The following UGGT2 variants were observed in gnomAD, a reference collection of about 807,000 sequenced individuals.
UGGT2 encodes UDP-glucose:glycoprotein glucosyltransferase 2.
UGGT2 carries 180 observed loss-of-function variants against 192.1 expected under a neutral mutation model. That is an observed-to-expected ratio of 0.94 (90% confidence interval 0.83 to 1.06). The LOEUF is 1.06. Ranked by LOEUF, UGGT2 falls within the 50% of genes least tolerant of loss-of-function variation. The pLI is 0.00. For missense variants in UGGT2, 1,849 were observed against 1,795.7 expected, an observed-to-expected ratio of 1.03 and a Z score of -0.54; for synonymous variants, 580 against 591.0, an observed-to-expected ratio of 0.98 and a Z score of 0.27.
intron 6 of UGGT2, among the ~76,000 whole-genome samples, chr13:95,998,157 T>C (rs1268282744): frequency 2.0e-5 from 3 of 151,648 alleles, no homozygotes; most frequent in Non-Finnish European, 2.9e-5. Flanking sequence ...GAGTGGCAAC[T>C]AGAATTGACA....
chr13:95,824,815 C>T (rs1227166506), intron 38 of UGGT2, among the ~76,000 whole-genome samples: 1 of 152,030 alleles, frequency 6.6e-6, no homozygotes, highest in African/African-American at 2.4e-5. Flanking sequence ...CTGGAGAGAC[C>T]GTGTGATCTT....
chr13:96,022,890 T>C, intron 4 of UGGT2, 150 bp downstream of exon 4: 1 of 434,898 alleles, frequency 2.3e-6, no homozygotes, highest in East Asian at 3.8e-5. Flanking sequence ...AGACAAAACA[T>C]TCTCAGATAT....
chr13:95,992,058 G>A (rs1195649466), intron 7 of UGGT2, among the ~76,000 whole-genome samples: 1 of 152,142 alleles, frequency 6.6e-6, no homozygotes, highest in Non-Finnish European at 1.5e-5. Flanking sequence ...AGCTACTCAG[G>A]AGGCTGAGGC....
intron 1 of UGGT2, among the ~76,000 whole-genome samples, chr13:96,041,935 C>T (rs986958543): frequency 6.6e-6 from 1 of 152,020 alleles, no homozygotes; most frequent in African/African-American, 2.4e-5. Flanking sequence ...TCCTTCCCTA[C>T]TCACCATGGT....
chr13:95,900,662 A>C (rs1208317927), intron 22 of UGGT2, 145 bp downstream of exon 22: 2 of 743,590 alleles, frequency 2.7e-6, no homozygotes, highest in East Asian at 6.0e-5. Context: ...CATTTTATTT[A>C]TGCTGAGTTG....
At position 95,945,015 on chromosome 13, in the gene UGGT2, A is replaced by T. The variant is rs187408130; in HGVS notation, c.1677+2022T>A. Among the ~76,000 whole-genome samples the T allele has an allele frequency of 2.8e-4, 43 of 151,968 alleles. 1 individual carries two copies. In the East Asian group the frequency reaches 8.3e-3, roughly 29 times the overall value. On this transcript the variant is annotated intron_variant, in intron 15 of 38. Coordinates refer to ENST00000376747, the MANE Select transcript of UGGT2 (RefSeq NM_020121.4). ...TTTTTCTTAAAGTTTATTTCCCCTA[A>T]TATTTTATGGCTACCTTAGATTTCA...
intron 12 of UGGT2, among the ~76,000 whole-genome samples, chr13:95,953,776 G>T (rs1026668131): frequency 1.3e-5 from 2 of 151,916 alleles, no homozygotes; most frequent in Non-Finnish European, 1.5e-5. Context: ...GGAGAAAAAA[G>T]AATCAAGATG....
chr13:95,821,479 G>A (rs1341457116), intron 38 of UGGT2, among the ~76,000 whole-genome samples: 2 of 152,058 alleles, frequency 1.3e-5, no homozygotes, highest in Non-Finnish European at 2.9e-5. Flanking sequence ...CTGGATACTA[G>A]TCCTTTGTTA....
intron 4 of UGGT2, among the ~76,000 whole-genome samples, chr13:96,017,379 C>T (rs373368241): frequency 6.6e-6 from 1 of 152,176 alleles, no homozygotes; most frequent in African/African-American, 2.4e-5. Flanking sequence ...TGCTCATGCT[C>T]TCACTATGTG....
At position 95,925,707 on chromosome 13, in the gene UGGT2, T is replaced by G; in HGVS notation, c.2268A>C (p.Lys756Asn). 6.3e-7 allele frequency: 1 copy of G among 1,577,134 alleles called. No homozygotes were observed. Among genetic ancestry groups the G allele is most frequent in the Non-Finnish European group, 8.6e-7 (1 of 1,158,622 alleles). The change falls in exon 20 of 39, where the codon AAA becomes AAC. Residue 756 changes from lysine to asparagine, a missense_variant. Transcript: ENST00000376747. ...IADFDKPSGR[K>N]LLFNALKHMK... is the part of the protein sequence containing the mutation. ...TGTGCTTTAATGCATTAAAAAGAAGTTTTCTCCCAGAAGGCTTATCAAAAT... is the reference window on the plus strand; with the variant it reads ...TGTGCTTTAATGCATTAAAAAGAAGGTTTCTCCCAGAAGGCTTATCAAAAT...
At chr13:95,908,549 T>G (rs2048366702) in intron 20 of UGGT2, among the ~76,000 whole-genome samples, 1 of 152,118 alleles carries the variant, frequency 6.6e-6, no homozygotes, top group Non-Finnish European at 1.5e-5. Context: ...GTTGAACTAG[T>G]TACAGTCCCA....
At chr13:95,857,023 A>G (rs2140058490) in intron 33 of UGGT2, among the ~76,000 whole-genome samples, 1 of 152,234 alleles carries the variant, frequency 6.6e-6, no homozygotes, top group South Asian at 2.1e-4. Flanking sequence ...ATTGGAAAAG[A>G]TGAATTAATA....
intron 10 of UGGT2, among the ~76,000 whole-genome samples, chr13:95,976,975 G>A (rs2140827988): frequency 6.6e-6 from 1 of 152,288 alleles, no homozygotes; most frequent in Middle Eastern, 3.4e-3. Flanking sequence ...AATAAATGGT[G>A]CTAGGAAAAC....
At chr13:95,835,995 T>C (rs868078575) in intron 37 of UGGT2, among the ~76,000 whole-genome samples, 1 of 152,212 alleles carries the variant, frequency 6.6e-6, no homozygotes, top group African/African-American at 2.4e-5. Flanking sequence ...TGAAGACATG[T>C]CAAGATGATA....
intron 30 of UGGT2, among the ~76,000 whole-genome samples, chr13:95,866,713 T>TA (rs1890691643): frequency 6.6e-6 from 1 of 152,130 alleles, no homozygotes; most frequent in African/African-American, 2.4e-5. Flanking sequence ...TCAAATTAAA[T>TA]AAAAATGGCA....
At position 95,983,794 on chromosome 13, in the gene UGGT2, T is replaced by G. The variant is rs765280715; in HGVS notation, c.1092+10A>C. ...TGGGTAAATGTTTTAAAAAAGGAAT[T>G]CAAACAAACCTTTTGATTTTCCTTT... On this transcript the variant is annotated intron_variant, in intron 10 of 38. Coordinates refer to ENST00000376747, the MANE Select transcript of UGGT2 (RefSeq NM_020121.4). 6.5e-7 allele frequency: 1 copy of G among 1,537,080 alleles called. No homozygotes were observed.
chr13:95,948,579 T>A (rs1306826592), intron 13 of UGGT2, among the ~76,000 whole-genome samples: 1 of 152,188 alleles, frequency 6.6e-6, no homozygotes, highest in Non-Finnish European at 1.5e-5. Flanking sequence ...GTTCCAATAT[T>A]AATGTTTAGA....
At position 95,927,329 on chromosome 13, in the gene UGGT2, A is replaced by C; in HGVS notation, c.1985T>G (p.Leu662Ter). 6.2e-7 allele frequency: 1 copy of C among 1,601,644 alleles called. No homozygotes were observed. Among genetic ancestry groups the C allele is most frequent in the Non-Finnish European group, 8.5e-7 (1 of 1,176,794 alleles). ...ATCAATTGCATTCGTGCGATCATTTAATGTGCCCTAAAAAAACAAAAATGT... is the reference window on the plus strand; with the variant it reads ...ATCAATTGCATTCGTGCGATCATTTCATGTGCCCTAAAAAAACAAAAATGT... The part of the protein sequence containing the change: ...YLQREVFLGT[L>*]NDRTNAIDFL... Residue 662 changes from leucine (L) to a stop codon, truncating the protein, a stop_gained, in exon 18 of 39, where the codon TTA becomes TGA. Transcript: ENST00000376747. LOFTEE classifies it high-confidence loss of function.
intron 33 of UGGT2, 41 bp downstream of exon 33, chr13:95,859,550 T>C (rs748238616): frequency 5.6e-6 from 8 of 1,427,674 alleles, no homozygotes; most frequent in South Asian, 1.2e-5. Context: ...TAATTTACTA[T>C]TCAAACATTA....
Sources: allele counts gnomAD v4.1 joint callset (sites outside exome capture counted in the v4.1 genomes callset), GRCh38; gene constraint gnomAD v4.1.1; transcripts MANE v1.5; gene names NCBI Gene and HGNC (gene_info 2026-07-23, HGNC 2026-07-21).